The following ZNF280B variants were observed in gnomAD, a reference collection of about 807,000 sequenced individuals.
ZNF280B encodes suppressor of hairy wing homolog 2.
In ZNF280B, 16 loss-of-function variants were observed where a neutral mutation model predicts 38.0. The ratio of observed to expected loss-of-function variants is 0.42; its 90% confidence interval spans 0.28 to 0.64. The LOEUF (loss-of-function observed/expected upper bound fraction) is 0.64. ZNF280B is among the 30% of genes least tolerant of loss of function. ZNF280B has a pLI of 0.21. For synonymous variants in ZNF280B, 253 were observed against 230.6 expected, an observed-to-expected ratio of 1.10 and a Z score of -0.88; for missense variants, 581 against 639.6, an observed-to-expected ratio of 0.91 and a Z score of 0.99.
intron 2 of ZNF280B, among the ~76,000 whole-genome samples, chr22:22,502,001 G>A (rs1320794090): frequency 6.6e-6 from 1 of 151,414 alleles, no homozygotes; most frequent in Non-Finnish European, 1.5e-5. Flanking sequence ...CAGCTACTCA[G>A]GGGTGGAATG....
Position 22,489,234 on chromosome 22 carries a change from T to G in ZNF280B, c.165A>C (p.Pro55=). 1 of 1,613,844 alleles carries G rather than the reference T, an allele frequency of 6.2e-7. No individual in the cohort carries two copies. The highest frequency in any genetic ancestry group is 8.5e-7 in the Non-Finnish European group (1 of 1,179,964). The part of the protein sequence containing the change: ...IFVGVTSNSK[P]VVSNILNRVT... ...CTCTGTTCAAAATGTTTGAAACGAC[T>G]GGTTTTGAATTTGAAGTCACCCCAA... is the stretch of plus-strand genomic sequence containing the variant. The change falls in exon 4 of 4, where the codon CCA becomes CCC. Residue 55 remains proline, a synonymous_variant. Coordinates refer to ENST00000626650, the MANE Select transcript of ZNF280B (RefSeq NM_080764.4).
At chr22:22,505,592 A>G (rs2061921341) in intron 2 of ZNF280B, among the ~76,000 whole-genome samples, 1 of 149,080 alleles carries the variant, frequency 6.7e-6, no homozygotes, top group South Asian at 2.2e-4. Context: ...ATAAAAATAA[A>G]ATAATAATAA....
chr22:22,485,874 A>G lies in ZNF280B; in HGVS notation c.*1893T>C. The G allele has an allele frequency of 6.6e-6, 1 of 152,206 alleles. No homozygotes were observed. The highest frequency in any genetic ancestry group is 1.5e-5 in the Non-Finnish European group (1 of 68,124). The allele number at this position is 152,206 out of a possible 1,614,324, so 9.4% of individuals were successfully genotyped here. On this transcript the variant is annotated 3_prime_UTR_variant, in exon 4 of 4. Coordinates refer to ENST00000626650, the MANE Select transcript of ZNF280B (RefSeq NM_080764.4). The stretch of plus-strand genomic sequence containing the variant: ...GTGGAGGAACAAAGGATGGCACCAG[A>G]ACACAAGCAGGGAGACAACTCCGGG...
chr22:22,498,508 C>G (rs2061746073), intron 2 of ZNF280B, among the ~76,000 whole-genome samples: 1 of 151,778 alleles, frequency 6.6e-6, no homozygotes, highest in South Asian at 2.1e-4. Context: ...AAGACAGGAA[C>G]TAATGAACTG....
intron 2 of ZNF280B, among the ~76,000 whole-genome samples, chr22:22,500,751 T>A (rs2061799971): frequency 6.6e-6 from 1 of 151,342 alleles, no homozygotes; most frequent in Non-Finnish European, 1.5e-5. Context: ...CCCAGCTACT[T>A]GGGAGGCTGA....
At chr22:22,497,329 G>A (rs1466026220) in intron 2 of ZNF280B, among the ~76,000 whole-genome samples, 15 of 147,094 alleles carry the variant, frequency 1.0e-4, no homozygotes, top group Admixed American at 5.5e-4. Context: ...TCAGGAGTTC[G>A]AGACCAGCCT....
At chr22:22,505,175 A>G (rs2061909099) in intron 2 of ZNF280B, among the ~76,000 whole-genome samples, 1 of 151,958 alleles carries the variant, frequency 6.6e-6, no homozygotes, top group Non-Finnish European at 1.5e-5. Context: ...ATAGGCTAAC[A>G]CAGGTGGACC....
rs796601752 is a variant in ZNF280B at position 22,495,792 on chromosome 22, A to ATT, written c.-186-1614_-186-1613dup. Among the ~76,000 whole-genome samples the ATT allele has an allele frequency of 6.9e-5, 10 of 144,564 alleles. No homozygotes were observed. The East Asian group carries it at 1.2e-3, about 18-fold the overall frequency. The allele number at this position is 144,564 out of a possible 152,430, so 94.8% of individuals were successfully genotyped here. ...CTCCCCTCCTAGACTCTCAGGCTAG[A>ATT]TTTTTTTTTTTTTTAATTGAGACGG... On this transcript the variant is annotated intron_variant, in intron 2 of 3. Transcript: ENST00000626650.
intron 2 of ZNF280B, among the ~76,000 whole-genome samples, chr22:22,503,531 G>A (rs1478870199): frequency 6.6e-6 from 1 of 151,884 alleles, no homozygotes; most frequent in East Asian, 2.0e-4. Context: ...CTCATCTAGC[G>A]AACAAAAAGA....
chr22:22,488,487 G>A lies in ZNF280B; in HGVS notation c.912C>T (p.His304=). ...KGEGQPEQKT[H]TTFKCLSCVK... is the part of the protein sequence containing the mutation. ...CGCAGCTGAGGCATTTAAAGGTGGT[G>A]TGAGTCTTCTGTTCCGGCTGCCCTT... The change falls in exon 4 of 4, where the codon CAC becomes CAT. Residue 304 remains histidine, a synonymous_variant. Transcript: ENST00000626650. 3 of 1,613,930 alleles carry A rather than the reference G, an allele frequency of 1.9e-6. No individual in the cohort carries two copies. The highest frequency in any genetic ancestry group is 2.2e-5 in the East Asian group (1 of 44,788).
At chr22:22,492,711 C>T (rs1299260606) in intron 3 of ZNF280B, among the ~76,000 whole-genome samples, 2 of 151,558 alleles carry the variant, frequency 1.3e-5, no homozygotes, top group African/African-American at 2.4e-5. Context: ...ATAGTGAAAC[C>T]CTGTCTCTAC....
At chr22:22,502,339 T>C (rs2061842429) in intron 2 of ZNF280B, among the ~76,000 whole-genome samples, 1 of 151,944 alleles carries the variant, frequency 6.6e-6, no homozygotes, top group South Asian at 2.1e-4. Flanking sequence ...AACCCTCAAA[T>C]ACTGCTGGTG....
chr22:22,497,638 T>C (rs1035474241), intron 2 of ZNF280B, among the ~76,000 whole-genome samples: 1 of 151,912 alleles, frequency 6.6e-6, no homozygotes, highest in South Asian at 2.1e-4. Flanking sequence ...CAAAGTCAAC[T>C]TATTAAATGC....
At position 22,484,678 on chromosome 22, in the gene ZNF280B, T is replaced by G. The variant is rs1017716964; in HGVS notation, c.*3089A>C. On this transcript the variant is annotated 3_prime_UTR_variant, in exon 4 of 4. Transcript: ENST00000626650. ...TCCTGAAAGAACTCACTATATTAAT[T>G]TTCATTTGGTTGCAGGCACAGAAAT... The G allele has an allele frequency of 6.6e-6, 1 of 152,264 alleles. No individual in the cohort carries two copies. Among genetic ancestry groups the G allele is most frequent in the Admixed American group, 6.6e-5 (1 of 15,230 alleles). The allele number at this position is 152,264 out of a possible 1,614,324, so 9.4% of individuals were successfully genotyped here. A position where few individuals can be genotyped will look rare whatever the true frequency, so the allele number is the denominator to read the frequency against.
In ZNF280B at chr22:22,488,673, G is replaced by A. The variant is rs2061536038; in HGVS notation, c.726C>T (p.Asp242=). 7 of 1,613,808 alleles carry A rather than the reference G, an allele frequency of 4.3e-6. No individual in the cohort carries two copies. The highest frequency in any genetic ancestry group is 5.9e-6 in the Non-Finnish European group (7 of 1,179,972). ...TATTTATAGGCTTGAAATGGATATTGTCCTTTGGAAAAGCTGCTGGAAAAG... is the reference window on the plus strand; with the variant it reads ...TATTTATAGGCTTGAAATGGATATTATCCTTTGGAAAAGCTGCTGGAAAAG... ...GAPFPAAFPK[D]NIHFKPINTN... The change falls in exon 4 of 4, where the codon GAC becomes GAT. Residue 242 remains aspartate, a synonymous_variant. Coordinates refer to ENST00000626650, the MANE Select transcript of ZNF280B (RefSeq NM_080764.4).
intron 2 of ZNF280B, among the ~76,000 whole-genome samples, chr22:22,504,742 T>TA (rs776809270): frequency 7.4e-4 from 112 of 151,988 alleles, no homozygotes; most frequent in Non-Finnish European, 1.2e-3. Context: ...CACAAAAAAC[T>TA]AAGAGAGAAA....
intron 2 of ZNF280B, among the ~76,000 whole-genome samples, chr22:22,505,963 G>A (rs5751193): frequency 0.19 from 28,869 of 151,488 alleles, 3,158 homozygotes; most frequent in South Asian, 0.33. Flanking sequence ...GAAATATTAT[G>A]AACAAAAGAT....
rs1601748701 is a variant in ZNF280B, at chr22:22,508,703, G to C, written c.-292C>G. The C allele has an allele frequency of 6.6e-6, 1 of 152,062 alleles. No individual in the cohort carries two copies. Among genetic ancestry groups the C allele is most frequent in the East Asian group, 2.0e-4 (1 of 5,010 alleles). 9.4% of individuals were successfully genotyped at this position (152,062 alleles called of 1,614,324 possible). A position where few individuals can be genotyped will look rare whatever the true frequency, so the allele number is the denominator to read the frequency against. On this transcript the variant is annotated 5_prime_UTR_variant, in exon 1 of 4. Transcript: ENST00000626650. ...TTCGCGAGCTGCCGGCCACGCACCA[G>C]CCCCGGAGGCGCTCCCGGGGCACAG...
upstream of ZNF280B, chr22:22,508,822 G>A (rs1335708101): frequency 1.3e-5 from 2 of 152,002 alleles, no homozygotes; most frequent in Admixed American, 6.6e-5. Flanking sequence ...TTGGCTGCCA[G>A]GTGCCGGCGC....
Sources: gnomAD v4.1 joint callset for allele counts (sites outside exome capture counted in the v4.1 genomes callset) on GRCh38, gnomAD v4.1.1 for gene constraint, MANE v1.5 for transcripts, NCBI Gene and HGNC (gene_info 2026-07-23, HGNC 2026-07-21) for gene names.